Variants in ILF2 observed in about 807,000 individuals in gnomAD.
ILF2 encodes interleukin enhancer binding factor 2.
ILF2 carries 9 observed loss-of-function variants against 55.3 expected under a neutral mutation model. That is an observed-to-expected ratio of 0.16 (90% CI 0.10 to 0.28). The LOEUF (loss-of-function observed/expected upper bound fraction) is 0.28, where lower values mean the gene tolerates loss of function less well. ILF2 is among the 10% of genes least tolerant of loss of function. The pLI is 1.00. For synonymous variants in ILF2, 151 were observed against 161.8 expected (o/e 0.93, Z 0.50); for missense variants, 266 against 474.9 (o/e 0.56, Z 4.09).
rs758913153 is a variant in ILF2, at chr1:153,667,545, G to A, written c.394+10C>T. On this transcript the variant is annotated intron_variant, in intron 6 of 13. Coordinates refer to ENST00000361891, the MANE Select transcript of ILF2 (RefSeq NM_004515.4). Reference sequence around the variant, plus strand: ...GTTCTGTTCCCATGACCAGAAACAGGCACACTCACACGTTGGCAGAATCTT... The same window carrying A: ...GTTCTGTTCCCATGACCAGAAACAGACACACTCACACGTTGGCAGAATCTT... 2.6e-6 allele frequency: 4 copies of A among 1,562,024 alleles called. No homozygotes were observed. The Admixed American group carries it at 6.7e-5, about 26-fold the overall frequency.
In ILF2 at chr1:153,668,011, T is replaced by C. The variant is rs778035440; in HGVS notation, c.280A>G (p.Thr94Ala). ...VIDNLIVAPG[T>A]FEVQIEEVRQ... ...CATCAAAAACTCACCACTTCAAATG[T>C]CCCTGGAGCCACAATCAGATTATCA... Residue 94 changes from threonine to alanine, a missense_variant, in exon 5 of 14, where the codon ACA becomes GCA. By Grantham distance (58) the Thr-to-Ala change is moderately conservative. Coordinates refer to ENST00000361891, the MANE Select transcript of ILF2 (RefSeq NM_004515.4). The C allele has an allele frequency of 1.2e-6, 2 of 1,610,758 alleles. No individual in the cohort carries two copies. Among genetic ancestry groups the C allele is most frequent in the South Asian group, 2.2e-5 (2 of 90,206 alleles).
At chr1:153,669,324 T>A (rs1669388079) in intron 3 of ILF2, among the ~76,000 whole-genome samples, 1 of 152,220 alleles carries the variant, frequency 6.6e-6, no homozygotes, top group Admixed American at 6.5e-5. Flanking sequence ...ATACCATAAA[T>A]ACAATTACTT....
intron 8 of ILF2, among the ~76,000 whole-genome samples, chr1:153,664,705 A>T (rs1669264588): frequency 6.6e-6 from 1 of 152,132 alleles, no homozygotes; most frequent in Non-Finnish European, 1.5e-5. Context: ...GATTACAGGT[A>T]ACCGCCATCA....
intron 3 of ILF2, 80 bp from the exon 4 acceptor site, chr1:153,668,637 GA>G: frequency 1.4e-6 from 2 of 1,469,714 alleles, no homozygotes; most frequent in East Asian, 2.4e-5. Context: ...TACTACGACA[GA>G]AAAAGGTTAA....
At position 153,661,855 on chromosome 1, in the gene ILF2, G is replaced by C. The variant is rs550420568; in HGVS notation, c.*541C>G. Reference sequence around the variant, plus strand: ...ATATTCTAGTTTACTCTGGTATATGGAAAGGTTCCAGGAGTTTGTCCTTTA... The same window carrying C: ...ATATTCTAGTTTACTCTGGTATATGCAAAGGTTCCAGGAGTTTGTCCTTTA... On this transcript the variant is annotated 3_prime_UTR_variant, in exon 14 of 14. Transcript: ENST00000361891. The C allele has an allele frequency of 9.6e-5, 15 of 155,646 alleles. No homozygotes were observed. The South Asian group carries it at 2.9e-3, about 30-fold the overall frequency. 9.6% of individuals were successfully genotyped at this position (155,646 alleles called of 1,614,324 possible).
rs768198219 is a variant in ILF2 at position 153,670,931 on chromosome 1, A to C, written c.-9T>G. 1 of 1,614,226 alleles carries C rather than the reference A, an allele frequency of 6.2e-7. No homozygotes were observed. ...CGACCCACTTACCTCATGGCGCCTT[A>C]AAACACGAACAATGGAGGCCGCACC... On this transcript the variant is annotated 5_prime_UTR_variant, in exon 1 of 14. Coordinates refer to ENST00000361891, the MANE Select transcript of ILF2 (RefSeq NM_004515.4).
At chr1:153,670,735 G>A (rs953565882) in intron 1 of ILF2, among the ~76,000 whole-genome samples, 183 bp downstream of exon 1, 3 of 151,786 alleles carry the variant, frequency 2.0e-5, no homozygotes, top group South Asian at 2.1e-4. Context: ...ACCCCATCCC[G>A]GGCCCAAGTT....
At chr1:153,663,998 G>A in intron 10 of ILF2, 45 bp downstream of exon 10, 1 of 893,638 alleles carries the variant, frequency 1.1e-6, no homozygotes, top group Non-Finnish European at 1.8e-6. Flanking sequence ...ACTACTACTA[G>A]TAAATAAGGA....
chr1:153,665,573 G>A (rs1669285515), intron 7 of ILF2, 90 bp downstream of exon 7: 1 of 1,121,424 alleles, frequency 8.9e-7, no homozygotes, highest in Non-Finnish European at 1.4e-6. Flanking sequence ...TCTTCCATCT[G>A]GTCTGATCTG....
At chr1:153,663,991 ACTAC>A in intron 10 of ILF2, 48 bp downstream of exon 10, 2 of 843,508 alleles carry the variant, frequency 2.4e-6, no homozygotes, top group Non-Finnish European at 3.8e-6. Context: ...TACTACTACT[ACTAC>A]TAGTAAATAA....
Position 153,662,391 on chromosome 1 carries a change from GA to G in ILF2, c.*4del. The G allele has an allele frequency of 6.2e-7, 1 of 1,613,880 alleles. No homozygotes were observed. The highest frequency in any genetic ancestry group is 8.5e-7 in the Non-Finnish European group (1 of 1,179,864). ...CCTTGGGTAGGAAAAGGAGTGAAGG[GA>G]ATGTCACTCCTGAGTTTCCATGCTT... On this transcript the variant is annotated 3_prime_UTR_variant, in exon 14 of 14. Transcript: ENST00000361891.
intron 10 of ILF2, 79 bp from the exon 11 acceptor site, chr1:153,663,355 G>A (rs1669223094): frequency 7.6e-7 from 1 of 1,322,328 alleles, no homozygotes; most frequent in Non-Finnish European, 1.1e-6. Context: ...TAGAGACAGG[G>A]CCTCACTTTG....
intron 5 of ILF2, 151 bp downstream of exon 5, chr1:153,667,849 A>C: frequency 3.0e-6 from 2 of 675,464 alleles, no homozygotes; most frequent in Non-Finnish European, 5.2e-6. Context: ...TCTTGTCCCC[A>C]AGATCAGTAC....
chr1:153,669,973 G>C, intron 2 of ILF2, 95 bp from the exon 3 acceptor site: 1 of 1,178,026 alleles, frequency 8.5e-7, no homozygotes, highest in Non-Finnish European at 1.3e-6. Flanking sequence ...TCAGTCCTCA[G>C]AATGAGTGAC....
At chr1:153,667,721 A>C in intron 5 of ILF2, 64 bp from the exon 6 acceptor site, 2 of 1,130,172 alleles carry the variant, frequency 1.8e-6, no homozygotes, top group Non-Finnish European at 2.6e-6. Flanking sequence ...AGGTCCTCCC[A>C]GAACTGTTAC....
At chr1:153,663,424 G>T in intron 10 of ILF2, 148 bp from the exon 11 acceptor site, 1 of 714,224 alleles carries the variant, frequency 1.4e-6, no homozygotes, top group Non-Finnish European at 2.4e-6. Context: ...GAACTCCTGG[G>T]CTCAAGCAAC....
rs886682785 is a variant in ILF2 at position 153,669,839 on chromosome 1, A to G, written c.105T>C (p.Tyr35=). ...PFVPHIPFDF[Y]LCEMAFPRVK... ...ATCATTAACCCAAGGTACTCACCAA[A>G]TAGAAGTCAAATGGGATATGTGGTA... is the stretch of plus-strand genomic sequence containing the variant. Residue 35 remains tyrosine, a synonymous_variant, in exon 3 of 14, where the codon TAT becomes TAC. Coordinates refer to ENST00000361891, the MANE Select transcript of ILF2 (RefSeq NM_004515.4). The G allele has an allele frequency of 2.5e-6, 4 of 1,612,210 alleles. No individual in the cohort carries two copies. Among genetic ancestry groups the G allele is most frequent in the Non-Finnish European group, 3.4e-6 (4 of 1,178,338 alleles).
At chr1:153,662,628 T>TAAAGACATTTAAGTAGTGTACA (rs1669198356) in intron 13 of ILF2, 72 bp from the exon 14 acceptor site, 1 of 1,568,742 alleles carries the variant, frequency 6.4e-7, no homozygotes, top group African/African-American at 1.4e-5. Context: ...GTGGAAATAT[T>TAAAGACATTTAAGTAGTGTACA]AAAGACATTT....
In ILF2 at chr1:153,662,308, G is replaced by A. The variant is rs912185180; in HGVS notation, c.*88C>T. 2.1e-5 allele frequency: 33 copies of A among 1,535,126 alleles called. 1 individual carries two copies. Among genetic ancestry groups the A allele is most frequent in the Middle Eastern group, 2.0e-4 (1 of 4,998 alleles). ...CTTCCTGCTATCTTCCCTATCCCAC[G>A]GAAATGTCTGTCACCATGTAAAGCC... On this transcript the variant is annotated 3_prime_UTR_variant, in exon 14 of 14. Coordinates refer to ENST00000361891, the MANE Select transcript of ILF2 (RefSeq NM_004515.4).
Sources: gnomAD v4.1 joint callset for allele counts (sites outside exome capture counted in the v4.1 genomes callset) on GRCh38, gnomAD v4.1.1 for gene constraint, MANE v1.5 for transcripts, NCBI Gene and HGNC (gene_info 2026-07-23, HGNC 2026-07-21) for gene names.